TACR2: variants seen among roughly 807,000 people sequenced by gnomAD.
The protein encoded by TACR2 is substance-K receptor.
A neutral mutation model predicts 28.9 loss-of-function variants in TACR2; 24 were observed. That is an observed-to-expected ratio of 0.83 (90% CI 0.60 to 1.17). The LOEUF is 1.17. Among genes scored for constraint, TACR2 ranks in the 50% most tolerant of loss-of-function variants. The probability of loss-of-function intolerance (pLI) is 0.00; values close to 1 mark genes in which losing one functional copy is unlikely to be tolerated. For synonymous variants in TACR2, 222 were observed against 212.6 expected (o/e 1.04, Z -0.38); for missense variants, 487 against 524.4 (o/e 0.93, Z 0.70).
chr10:69,414,318 G>C (rs985057685), intron 2 of TACR2, among the ~76,000 whole-genome samples: 5 of 152,318 alleles, frequency 3.3e-5, no homozygotes, highest in Admixed American at 1.3e-4. Flanking sequence ...AGCATATAGA[G>C]AGTCTCCCCC....
At chr10:69,406,736 CCT>C (rs925570182) in intron 4 of TACR2, among the ~76,000 whole-genome samples, 3 of 152,222 alleles carry the variant, frequency 2.0e-5, no homozygotes, top group African/African-American at 7.2e-5. Context: ...TGTCCCACCC[CCT>C]CTCTGTGACT....
Position 69,407,116 on chromosome 10 carries a change from G to A in TACR2, c.906C>T (p.Tyr302=). Residue 302 remains tyrosine (Y), a synonymous_variant, in exon 4 of 5, where the codon TAC becomes TAT. Coordinates refer to ENST00000373306, the MANE Select transcript of TACR2 (RefSeq NM_001057.3). ...LFWLAMSSTM[Y]NPIIYCCLNH... ...TGAGACAGCAGTAGATGATGGGATT[G>A]TACATGGTAGAGCTCATGGCCAACC... The A allele has an allele frequency of 1.9e-6, 3 of 1,614,016 alleles. No homozygotes were observed. Among genetic ancestry groups the A allele is most frequent in the Non-Finnish European group, 2.5e-6 (3 of 1,179,972 alleles).
Position 69,409,904 on chromosome 10 carries a change from CATAT to C in TACR2, c.588-833_588-830del, listed in dbSNP as rs10663894. Among the ~76,000 whole-genome samples the C allele has an allele frequency of 8.9e-3, 306 of 34,542 alleles. 1 individual carries two copies. Among genetic ancestry groups the C allele is most frequent in the Non-Finnish European group, 0.011 (230 of 20,106 alleles). The allele number at this position is 34,542 out of a possible 152,430, so 22.7% of individuals were successfully genotyped here. A position where few individuals can be genotyped will look rare whatever the true frequency, so the allele number is the denominator to read the frequency against. Reference sequence around the variant, plus strand: ...ATACATATATACATATATATATATACATATATATATATATATATATATATATATA... The same window carrying C: ...ATACATATATACATATATATATATACATATATATATATATATATATATATA... On this transcript the variant is annotated intron_variant, in intron 2 of 4. Coordinates refer to ENST00000373306, the MANE Select transcript of TACR2 (RefSeq NM_001057.3).
chr10:69,407,864 G>A (rs1165105317), intron 3 of TACR2, among the ~76,000 whole-genome samples: 2 of 152,190 alleles, frequency 1.3e-5, no homozygotes, highest in Non-Finnish European at 2.9e-5. Context: ...GGGGGCTCCT[G>A]GGCACCCTGA....
At chr10:69,414,551 T>A (rs1187912056) in intron 2 of TACR2, among the ~76,000 whole-genome samples, 1 of 152,168 alleles carries the variant, frequency 6.6e-6, no homozygotes, top group Non-Finnish European at 1.5e-5. Context: ...CTGGGCAGGA[T>A]TGCTTAGATT....
chr10:69,412,665 CA>C (rs1388703014), intron 2 of TACR2, among the ~76,000 whole-genome samples: 1 of 152,194 alleles, frequency 6.6e-6, no homozygotes, highest in African/African-American at 2.4e-5. Context: ...GGCTTTCCCT[CA>C]GCCTCAGTTT....
At chr10:69,407,671 G>A (rs944879994) in intron 3 of TACR2, among the ~76,000 whole-genome samples, 11 of 152,100 alleles carry the variant, frequency 7.2e-5, no homozygotes, top group Admixed American at 3.3e-4. Context: ...GCGTTCCCAG[G>A]ACGCCCCCTC....
Position 69,404,683 on chromosome 10 carries a change from C to T in TACR2, c.*143G>A. 1 of 478,116 alleles carries T rather than the reference C, an allele frequency of 2.1e-6. No homozygotes were observed. Among genetic ancestry groups the T allele is most frequent in the Non-Finnish European group, 3.6e-6 (1 of 274,392 alleles). 29.6% of individuals were successfully genotyped at this position (478,116 alleles called of 1,614,324 possible). ...GAGGACACCACACTCTTTCTAACAA[C>T]TTGTTATTTTGGGAACTAGTCCATT... On this transcript the variant is annotated 3_prime_UTR_variant, in exon 5 of 5. Coordinates refer to ENST00000373306, the MANE Select transcript of TACR2 (RefSeq NM_001057.3).
intron 1 of TACR2, 94 bp from the exon 2 acceptor site, chr10:69,415,233 T>C (rs2290020): frequency 0.61 from 818,046 of 1,345,728 alleles, 252,786 homozygotes; most frequent in African/African-American, 0.73. Flanking sequence ...GGCCCACGCC[T>C]TCTAGCCATT....
At position 69,409,060 on chromosome 10, in the gene TACR2, C is replaced by G; in HGVS notation, c.603G>C (p.Val201=). ...GCGGCAGGAAGTAGATGAGGGCGAT[C>G]ACCACGAGGTGGTACCTGCAGGGAG... ...GKTLLLYHLV[V]IALIYFLPLA... The change falls in exon 3 of 5, where the codon GTG becomes GTC. Residue 201 remains valine, a synonymous_variant. Coordinates refer to ENST00000373306, the MANE Select transcript of TACR2 (RefSeq NM_001057.3). The G allele has an allele frequency of 6.2e-7, 1 of 1,604,580 alleles. No homozygotes were observed. The highest frequency in any genetic ancestry group is 8.5e-7 in the Non-Finnish European group (1 of 1,177,312).
At chr10:69,413,925 G>A (rs10823367) in intron 2 of TACR2, among the ~76,000 whole-genome samples, 94,944 of 152,072 alleles carry the variant, frequency 0.62, 30,529 homozygotes, top group African/African-American at 0.74. Context: ...CTCACAGAGC[G>A]AGGTACTATT....
intron 4 of TACR2, among the ~76,000 whole-genome samples, chr10:69,405,641 TG>T (rs1351382661): frequency 3.9e-5 from 6 of 152,034 alleles, no homozygotes; most frequent in Admixed American, 1.3e-4. Flanking sequence ...ACACGGTGAG[TG>T]GAAGAAATCA....
Position 69,408,903 on chromosome 10 carries a change from C to T in TACR2, c.741+19G>A. On this transcript the variant is annotated intron_variant, in intron 3 of 4. Coordinates refer to ENST00000373306, the MANE Select transcript of TACR2 (RefSeq NM_001057.3). ...CCCTCCAGGCCCCGCCCCCTCCAGGCCCCCGCCCCCGCGCCCACCTTCTTC... is the reference window on the plus strand; with the variant it reads ...CCCTCCAGGCCCCGCCCCCTCCAGGTCCCCGCCCCCGCGCCCACCTTCTTC... The T allele has an allele frequency of 2.5e-6, 3 of 1,186,556 alleles. No homozygotes were observed. The highest frequency in any genetic ancestry group is 2.3e-5 in the African/African-American group (1 of 42,990). 73.5% of individuals were successfully genotyped at this position (1,186,556 alleles called of 1,614,324 possible). A position where few individuals can be genotyped will look rare whatever the true frequency, so the allele number is the denominator to read the frequency against.
chr10:69,408,868 GCCCCCCGCCCCC>G, intron 3 of TACR2, 42 bp downstream of exon 3: 1 of 26,780 alleles, frequency 3.7e-5, no homozygotes, highest in Non-Finnish European at 6.0e-5. Context: ...GCCCCCGCCA[GCCCCCCGCCCCC>G]TCCAGGCCCC....
chr10:69,406,237 G>A (rs1840500927), intron 4 of TACR2, among the ~76,000 whole-genome samples: 1 of 152,198 alleles, frequency 6.6e-6, no homozygotes, highest in Admixed American at 6.5e-5. Context: ...TCACTGAGGT[G>A]AGACTGTGTC....
chr10:69,406,604 A>G (rs1177090239), intron 4 of TACR2, among the ~76,000 whole-genome samples: 3 of 152,086 alleles, frequency 2.0e-5, no homozygotes, highest in African/African-American at 7.2e-5. Context: ...CACTGCTTCC[A>G]CTGCCGGATG....
chr10:69,416,698 T>C lies in TACR2; in HGVS notation c.-375A>G, dbSNP rs1401975148. ...AGGGGACGGGACCAGCCCAGGTCAC[T>C]CAGGAAGTTGGTGACAAGTTAGGAC... On this transcript the variant is annotated 5_prime_UTR_variant, in exon 1 of 5. Transcript: ENST00000373306. 5.6e-6 allele frequency: 1 copy of C among 179,534 alleles called. No individual in the cohort carries two copies. Among genetic ancestry groups the C allele is most frequent in the Non-Finnish European group, 1.2e-5 (1 of 85,854 alleles). 11.1% of individuals were successfully genotyped at this position (179,534 alleles called of 1,614,324 possible).
chr10:69,412,561 C>T (rs1390197005), intron 2 of TACR2, among the ~76,000 whole-genome samples: 5 of 152,300 alleles, frequency 3.3e-5, no homozygotes, highest in African/African-American at 1.2e-4. Context: ...TTAATCATGA[C>T]CAAATTTCCC....
chr10:69,408,861 C>A, intron 3 of TACR2, 61 bp downstream of exon 3: 1 of 340,214 alleles, frequency 2.9e-6, no homozygotes. Context: ...AGGCCTCGCC[C>A]CCGCCAGCCC....
Sources: gnomAD v4.1 joint callset for allele counts (sites outside exome capture counted in the v4.1 genomes callset) on GRCh38, gnomAD v4.1.1 for gene constraint, MANE v1.5 for transcripts, NCBI Gene and HGNC (gene_info 2026-07-23, HGNC 2026-07-21) for gene names.